The following FSTL5 variants were observed in gnomAD, a reference collection of about 807,000 sequenced individuals.
FSTL5 encodes follistatin-related protein 5.
In FSTL5, 62 loss-of-function variants were observed where a neutral mutation model predicts 89.1. That is an observed-to-expected ratio of 0.70 (90% CI 0.57 to 0.86). The LOEUF is 0.86. Among genes scored for constraint, FSTL5 ranks in the 40% least tolerant of loss-of-function variants. The pLI is 0.00. For missense variants in FSTL5, 1,057 were observed against 1,001.6 expected, an observed-to-expected ratio of 1.06 and a Z score of -0.75; for synonymous variants, 383 against 346.2, an observed-to-expected ratio of 1.11 and a Z score of -1.18.
chr4:161,924,159 A>G (rs1734063738), intron 3 of FSTL5, among the ~76,000 whole-genome samples: 2 of 151,798 alleles, frequency 1.3e-5, no homozygotes, highest in South Asian at 4.1e-4. Context: ...AATAGCATTT[A>G]CTCCTAAAAA....
chr4:162,110,709 T>A (rs1387069082), intron 2 of FSTL5, among the ~76,000 whole-genome samples: 18 of 151,622 alleles, frequency 1.2e-4, no homozygotes, highest in Admixed American at 1.2e-3. Flanking sequence ...TTATAATTTA[T>A]TATATGCCTA....
chr4:161,658,625 A>G (rs1736601308), intron 6 of FSTL5, among the ~76,000 whole-genome samples: 1 of 152,226 alleles, frequency 6.6e-6, no homozygotes, highest in Non-Finnish European at 1.5e-5. Context: ...AGAGACATGT[A>G]TATACATAAA....
At chr4:161,970,127 T>C in intron 3 of FSTL5, among the ~76,000 whole-genome samples, 1 of 151,980 alleles carries the variant, frequency 6.6e-6, no homozygotes, top group Non-Finnish European at 1.5e-5. Flanking sequence ...GTAGAAGGTG[T>C]CTTTCAGGAA....
chr4:161,502,640 T>A (rs10006398), intron 11 of FSTL5, among the ~76,000 whole-genome samples: 2 of 151,886 alleles, frequency 1.3e-5, no homozygotes, highest in Admixed American at 1.3e-4. Flanking sequence ...CTGCGAGTCC[T>A]CCTCATTCAT....
chr4:161,916,656 ATAT>A (rs1237497832), intron 4 of FSTL5, among the ~76,000 whole-genome samples: 5 of 152,156 alleles, frequency 3.3e-5, no homozygotes, highest in East Asian at 1.9e-4. Context: ...AATTAGACAA[ATAT>A]TATATTCATA....
At chr4:161,856,339 G>C (rs1389218868) in intron 4 of FSTL5, among the ~76,000 whole-genome samples, 1 of 151,922 alleles carries the variant, frequency 6.6e-6, no homozygotes. Context: ...GTAGTTTATA[G>C]TTTTCTGTGA....
At chr4:161,915,903 C>T (rs1289619986) in intron 4 of FSTL5, among the ~76,000 whole-genome samples, 2 of 151,598 alleles carry the variant, frequency 1.3e-5, no homozygotes, top group African/African-American at 2.4e-5. Context: ...ACAAAGGTGC[C>T]CTTATTTAAA....
chr4:162,103,870 A>G (rs1579030308), intron 2 of FSTL5, among the ~76,000 whole-genome samples: 1 of 152,324 alleles, frequency 6.6e-6, no homozygotes, highest in Non-Finnish European at 1.5e-5. Context: ...AGGTACAGAA[A>G]TAGCCAATCA....
intron 12 of FSTL5, among the ~76,000 whole-genome samples, chr4:161,483,429 A>G (rs1208176798): frequency 6.6e-6 from 1 of 152,198 alleles, no homozygotes; most frequent in East Asian, 1.9e-4. Flanking sequence ...AACACGAAAG[A>G]TTTCCACCCC....
intron 7 of FSTL5, among the ~76,000 whole-genome samples, chr4:161,647,828 C>T (rs2126674878): frequency 6.6e-6 from 1 of 152,066 alleles, no homozygotes; most frequent in African/African-American, 2.4e-5. Context: ...AAATGTATTT[C>T]CTAAAACCAC....
chr4:161,535,128 A>G (rs908696209), intron 10 of FSTL5, among the ~76,000 whole-genome samples: 2 of 152,122 alleles, frequency 1.3e-5, no homozygotes, highest in African/African-American at 2.4e-5. Context: ...CCTAAAAGTA[A>G]AAGTGGGAAA....
At chr4:162,097,265 T>C (rs1290504232) in intron 2 of FSTL5, among the ~76,000 whole-genome samples, 1 of 147,050 alleles carries the variant, frequency 6.8e-6, no homozygotes, top group Non-Finnish European at 1.5e-5. Flanking sequence ...GGAGAGGAAT[T>C]TCCATTTTTT....
chr4:161,838,780 A>C (rs1731126191), intron 4 of FSTL5, among the ~76,000 whole-genome samples: 1 of 152,148 alleles, frequency 6.6e-6, no homozygotes, highest in Admixed American at 6.6e-5. Context: ...TATATGTAAC[A>C]AACTTATATC....
intron 6 of FSTL5, among the ~76,000 whole-genome samples, chr4:161,692,542 T>G (rs978460978): frequency 4.6e-5 from 7 of 152,094 alleles, no homozygotes; most frequent in Admixed American, 6.6e-5. Flanking sequence ...TATTAGAATG[T>G]GCCCTAATCT....
chr4:161,405,368 T>A (rs973345865), intron 15 of FSTL5, among the ~76,000 whole-genome samples: 1 of 151,892 alleles, frequency 6.6e-6, no homozygotes, highest in Non-Finnish European at 1.5e-5. Flanking sequence ...CAAAGAATTA[T>A]AAATACAAAA....
chr4:161,538,439 T>G, intron 9 of FSTL5, 139 bp from the exon 10 acceptor site: 1 of 876,466 alleles, frequency 1.1e-6, no homozygotes, highest in East Asian at 2.5e-5. Context: ...TTTGAAGGCA[T>G]GCCAAATTAT....
intron 2 of FSTL5, among the ~76,000 whole-genome samples, chr4:162,046,016 A>C (rs191938885): frequency 6.6e-6 from 1 of 152,236 alleles, no homozygotes; most frequent in African/African-American, 2.4e-5. Flanking sequence ...TATCCTGTCT[A>C]TCTCATTTTT....
At chr4:161,661,849 C>T (rs1375172803) in intron 6 of FSTL5, among the ~76,000 whole-genome samples, 1 of 152,070 alleles carries the variant, frequency 6.6e-6, no homozygotes, top group East Asian at 1.9e-4. Flanking sequence ...AGAAGTGACA[C>T]CACAGCAAAC....
At chr4:161,700,421 C>T (rs1490348512) in intron 6 of FSTL5, among the ~76,000 whole-genome samples, 1 of 152,010 alleles carries the variant, frequency 6.6e-6, no homozygotes, top group Non-Finnish European at 1.5e-5. Context: ...GCCTACTTGT[C>T]AAATATCTTC....
Sources: allele counts gnomAD v4.1 joint callset (sites outside exome capture counted in the v4.1 genomes callset), GRCh38; gene constraint gnomAD v4.1.1; transcripts MANE v1.5; gene names NCBI Gene and HGNC (gene_info 2026-07-23, HGNC 2026-07-21).